The following CABIN1 variants were observed in gnomAD, a reference collection of about 807,000 sequenced individuals.
CABIN1 encodes calcineurin-binding protein cabin-1.
A neutral mutation model predicts 227.7 loss-of-function variants in CABIN1; 133 were observed. That is an observed-to-expected ratio of 0.58 (90% CI 0.51 to 0.67). CABIN1 has a LOEUF of 0.67. Ranked by LOEUF, CABIN1 falls within the 30% of genes least tolerant of loss-of-function variation. The pLI, the probability that CABIN1 is intolerant of heterozygous loss-of-function variation, is 0.00. For missense variants in CABIN1, 2,408 were observed against 2,852.5 expected, an observed-to-expected ratio of 0.84 and a Z score of 3.55; for synonymous variants, 1,086 against 1,155.1, an observed-to-expected ratio of 0.94 and a Z score of 1.21.
chr22:24,063,796 T>C (rs961412264), intron 14 of CABIN1, among the ~76,000 whole-genome samples: 1 of 152,242 alleles, frequency 6.6e-6, no homozygotes, highest in Non-Finnish European at 1.5e-5. Flanking sequence ...TGTTTTCATC[T>C]GCAACATGGG....
chr22:24,113,115 C>T (rs193006178), intron 26 of CABIN1, among the ~76,000 whole-genome samples: 2 of 152,232 alleles, frequency 1.3e-5, no homozygotes, highest in Admixed American at 6.5e-5. Flanking sequence ...TTCCTGAATT[C>T]TTTCCCACTT....
Position 24,054,911 on chromosome 22 carries a change from A to G in CABIN1, c.845A>G (p.Asn282Ser), listed in dbSNP as rs1212891349. Residue 282 changes from asparagine (N) to serine (S), a missense_variant, in exon 9 of 37, where the codon AAT becomes AGT. By Grantham distance (46) the Asn-to-Ser change is conservative. This residue lies in a region of CABIN1 where 1,045 missense variants were observed against 1,168.4 expected (regional missense o/e 0.89). Transcript: ENST00000263119. The part of the protein sequence containing the change: ...CLGESLLAMY[N>S]HLTTCEPPRP... ...GGAGAGAGCTTGCTGGCCATGTACA[A>G]TCATCTCACCACCTGTGAGCCCCCA... 5.0e-6 allele frequency: 8 copies of G among 1,614,072 alleles called. No homozygotes were observed. The highest frequency in any genetic ancestry group is 2.2e-5 in the South Asian group (2 of 91,090).
At chr22:24,013,996 T>C (rs147437660) in intron 1 of CABIN1, among the ~76,000 whole-genome samples, 1 of 152,320 alleles carries the variant, frequency 6.6e-6, no homozygotes, top group East Asian at 1.9e-4. Context: ...ACTGGTGATA[T>C]TTACCTTGAT....
chr22:24,167,189 C>T lies in CABIN1; in HGVS notation c.5558C>T (p.Thr1853Ile), dbSNP rs750608057. 1.9e-6 allele frequency: 3 copies of T among 1,611,536 alleles called. No individual in the cohort carries two copies. In the African/African-American group the frequency reaches 4.0e-5, roughly 21 times the overall value. Reference protein sequence around the residue: ...LSRKRKLLEDTESGKTLLLDA... With the variant: ...LSRKRKLLEDIESGKTLLLDA... Reference sequence around the variant, plus strand: ...CGCAAGAGGAAGCTCCTGGAGGACACAGAGTCAGGCAAGACACTTCTGTTG... The same window carrying T: ...CGCAAGAGGAAGCTCCTGGAGGACATAGAGTCAGGCAAGACACTTCTGTTG... The change falls in exon 32 of 37, where the codon ACA (threonine) becomes ATA (isoleucine). Residue 1853 changes from threonine (T) to isoleucine (I), a missense_variant. Physicochemically the swap from Thr to Ile is moderately conservative, Grantham distance 89. Around this residue, in one of 3 missense-constraint regions of CABIN1, gnomAD observed 714 missense variants for 773.8 expected, o/e 0.92. Transcript: ENST00000263119.
rs145864566 is a variant in CABIN1 at position 24,136,524 on chromosome 22, A to ATTTTTTTTTTTTTTTTTTTTTTT, written c.4746+2111_4746+2133dup. On this transcript the variant is annotated intron_variant, in intron 29 of 36. Coordinates refer to ENST00000263119, the MANE Select transcript of CABIN1 (RefSeq NM_012295.4). ...ACTGCCACGCCCAGCTAATTTTTGT[A>ATTTTTTTTTTTTTTTTTTTTTTT]TTTTTTTTTTTTTTTTTTTTTTTTA... Among the ~76,000 whole-genome samples, 48 of 69,864 alleles carry ATTTTTTTTTTTTTTTTTTTTTTT rather than the reference A, an allele frequency of 6.9e-4. 6 individuals carry two copies. The highest frequency in any genetic ancestry group is 2.4e-3 in the African/African-American group (40 of 16,472). The allele number at this position is 69,864 out of a possible 152,430, so 45.8% of individuals were successfully genotyped here.
At chr22:24,064,842 T>C (rs555060460) in intron 15 of CABIN1, among the ~76,000 whole-genome samples, 41 of 152,036 alleles carry the variant, frequency 2.7e-4, no homozygotes, top group Middle Eastern at 3.4e-3. Context: ...GGTAAGGTCA[T>C]AGATCAACAG....
At chr22:24,099,933 A>T (rs1008132809) in intron 26 of CABIN1, among the ~76,000 whole-genome samples, 1 of 152,250 alleles carries the variant, frequency 6.6e-6, no homozygotes. Context: ...GGAGCGCCTC[A>T]GAAAGGGGGC....
intron 1 of CABIN1, among the ~76,000 whole-genome samples, chr22:24,029,982 C>G (rs2036379887): frequency 6.6e-6 from 1 of 152,132 alleles, no homozygotes; most frequent in Non-Finnish European, 1.5e-5. Context: ...AGGTACCTCC[C>G]TATAAAATGG....
At chr22:24,176,504 G>A (rs922565563) in intron 35 of CABIN1, among the ~76,000 whole-genome samples, 3 of 152,160 alleles carry the variant, frequency 2.0e-5, no homozygotes, top group African/African-American at 7.2e-5. Flanking sequence ...GGGTAGAGAG[G>A]GACCCCAGAG....
chr22:24,030,254 A>C (rs1039455856), intron 1 of CABIN1, among the ~76,000 whole-genome samples: 1 of 152,180 alleles, frequency 6.6e-6, no homozygotes, highest in Non-Finnish European at 1.5e-5. Flanking sequence ...GTCCAGGGGC[A>C]GGCAGGAGAC....
At chr22:24,046,274 G>T (rs1345685673) in intron 6 of CABIN1, among the ~76,000 whole-genome samples, 1 of 152,124 alleles carries the variant, frequency 6.6e-6, no homozygotes, top group Non-Finnish European at 1.5e-5. Context: ...CTGTACATGG[G>T]CATTTGGGTT....
At chr22:24,048,952 ATTAG>A in intron 6 of CABIN1, 135 bp from the exon 7 acceptor site, 2 of 981,316 alleles carry the variant, frequency 2.0e-6, no homozygotes, top group East Asian at 2.5e-5. Context: ...ACCTGACTGA[ATTAG>A]TTAAAGTGGT....
At chr22:24,056,808 G>A (rs754454684) in intron 10 of CABIN1, among the ~76,000 whole-genome samples, 1 of 152,162 alleles carries the variant, frequency 6.6e-6, no homozygotes, top group Non-Finnish European at 1.5e-5. Flanking sequence ...GGAGGAGCTT[G>A]TGAAGTATTC....
intron 16 of CABIN1, among the ~76,000 whole-genome samples, chr22:24,068,761 G>C (rs1425508630): frequency 6.6e-6 from 1 of 152,128 alleles, no homozygotes; most frequent in Non-Finnish European, 1.5e-5. Context: ...TTTTTATGCT[G>C]TCACATCTTT....
chr22:24,108,103 G>A (rs1424154127), intron 26 of CABIN1, among the ~76,000 whole-genome samples: 1 of 152,212 alleles, frequency 6.6e-6, no homozygotes, highest in Non-Finnish European at 1.5e-5. Context: ...GCCTTTGTGG[G>A]ATCCCATGTA....
At chr22:24,012,886 G>A (rs2034930518) in intron 1 of CABIN1, among the ~76,000 whole-genome samples, 1 of 150,298 alleles carries the variant, frequency 6.7e-6, no homozygotes, top group Non-Finnish European at 1.5e-5. Context: ...TCGGCCTCCC[G>A]AGTAGCTGGG....
intron 14 of CABIN1, 104 bp from the exon 15 acceptor site, chr22:24,063,931 C>T: frequency 2.7e-6 from 4 of 1,458,788 alleles, no homozygotes; most frequent in Non-Finnish European, 3.8e-6. Context: ...AAAAAACCCA[C>T]CCTCATGGCC....
chr22:24,080,880 A>AT (rs1395273558), intron 19 of CABIN1, among the ~76,000 whole-genome samples: 1 of 151,944 alleles, frequency 6.6e-6, no homozygotes, highest in Non-Finnish European at 1.5e-5. Flanking sequence ...ACGAATAACT[A>AT]TTTTTTCCTT....
At chr22:24,061,429 C>T (rs926062744) in intron 12 of CABIN1, among the ~76,000 whole-genome samples, 1 of 152,222 alleles carries the variant, frequency 6.6e-6, no homozygotes, top group Non-Finnish European at 1.5e-5. Flanking sequence ...TCAGGGCAAC[C>T]TCCTGGCAGC....
Sources: gnomAD v4.1 joint callset for allele counts (sites outside exome capture counted in the v4.1 genomes callset) on GRCh38, gnomAD v4.1.1 for gene constraint, gnomAD v4.1.1 regional missense constraint, MANE v1.5 for transcripts, NCBI Gene and HGNC (gene_info 2026-07-23, HGNC 2026-07-21) for gene names.